The following KSR1 variants were observed in gnomAD, a reference collection of about 807,000 sequenced individuals.
The protein encoded by KSR1 is kinase suppressor of ras.
Under a neutral mutation model 92.9 loss-of-function variants are expected in KSR1, and 35 were observed. That is an observed-to-expected ratio of 0.38 (90% CI 0.29 to 0.50). The LOEUF (loss-of-function observed/expected upper bound fraction) is 0.50, where lower values mean the gene tolerates loss of function less well. Among genes scored for constraint, KSR1 ranks in the 20% least tolerant of loss-of-function variants. KSR1 has a pLI of 0.94. For missense variants in KSR1, 972 were observed against 1,158.5 expected (o/e 0.84, Z 2.34); for synonymous variants, 467 against 472.6 (o/e 0.99, Z 0.15).
In KSR1 at chr17:27,577,704, A is replaced by C; in HGVS notation, c.520+65A>C. 7.6e-7 allele frequency: 1 copy of C among 1,308,244 alleles called. No homozygotes were observed. Among genetic ancestry groups the C allele is most frequent in the Middle Eastern group, 1.8e-4 (1 of 5,558 alleles). The allele number at this position is 1,308,244 out of a possible 1,614,324, so 81.0% of individuals were successfully genotyped here. A position where few individuals can be genotyped will look rare whatever the true frequency, so the allele number is the denominator to read the frequency against. On this transcript the variant is annotated intron_variant, in intron 3 of 20. Coordinates refer to ENST00000644974, the MANE Select transcript of KSR1 (RefSeq NM_001394583.1). The surrounding 1 kb of genome is among the most constrained non-coding windows in gnomAD (Gnocchi z 4.5). ...TGCCCTTGGGGCTGTGGCCTTCACT[A>C]TGGTGGGTGATGGAGCGGGGCAAGC...
intron 15 of KSR1, among the ~76,000 whole-genome samples, chr17:27,608,409 C>T (rs1203837363): frequency 6.6e-6 from 1 of 152,160 alleles, no homozygotes; most frequent in Non-Finnish European, 1.5e-5. Context: ...ACGCGATAAT[C>T]CATGCTGTGG....
chr17:27,480,720 A>G lies in KSR1; in HGVS notation c.231+23846A>G, dbSNP rs562126425. ...TGTTTTATCCTCAACTCCTAAACAG[A>G]GTAGATGCTTAAATAATATTCAAAT... On this transcript the variant is annotated intron_variant, in intron 1 of 20. Coordinates refer to ENST00000644974, the MANE Select transcript of KSR1 (RefSeq NM_001394583.1). Among the ~76,000 whole-genome samples the G allele has an allele frequency of 1.3e-4, 20 of 152,334 alleles. No individual in the cohort carries two copies. In the South Asian group the frequency reaches 1.7e-3, roughly 13 times the overall value.
At chr17:27,604,135 T>C (rs1002015918) in intron 12 of KSR1, among the ~76,000 whole-genome samples, 1 of 152,156 alleles carries the variant, frequency 6.6e-6, no homozygotes, top group Non-Finnish European at 1.5e-5. Context: ...GCGGGTTGGA[T>C]AGAGGGCATT....
intron 17 of KSR1, 82 bp from the exon 18 acceptor site, chr17:27,611,408 TCTGG>T: frequency 4.5e-6 from 7 of 1,569,846 alleles, no homozygotes; most frequent in Non-Finnish European, 6.1e-6. Flanking sequence ...GTCCTGATCC[TCTGG>T]CTGGGCTATG....
At chr17:27,615,302 T>C (rs1299005684) in intron 18 of KSR1, among the ~76,000 whole-genome samples, 1 of 152,234 alleles carries the variant, frequency 6.6e-6, no homozygotes, top group Admixed American at 6.5e-5. Context: ...TGATGAACAG[T>C]GTATACACTA....
intron 1 of KSR1, among the ~76,000 whole-genome samples, chr17:27,527,497 G>GGTTAAAA (rs3070070): frequency 1.9e-5 from 1 of 53,110 alleles, no homozygotes; most frequent in East Asian, 4.3e-4. Context: ...CCGCCTCCTG[G>GGTTAAAA]CGATTCTCCT....
chr17:27,530,748 C>G (rs552045275), intron 1 of KSR1, among the ~76,000 whole-genome samples: 1 of 152,330 alleles, frequency 6.6e-6, no homozygotes, highest in African/African-American at 2.4e-5. Context: ...CCTTCCCACT[C>G]AGATCAGCCC....
intron 9 of KSR1, among the ~76,000 whole-genome samples, chr17:27,593,851 C>T (rs1198570878): frequency 6.6e-6 from 1 of 152,194 alleles, no homozygotes; most frequent in Non-Finnish European, 1.5e-5. Flanking sequence ...CCAGTAGGCT[C>T]GATGTCTTGG....
At chr17:27,604,844 C>G in intron 13 of KSR1, 116 bp downstream of exon 13, 2 of 996,498 alleles carry the variant, frequency 2.0e-6, no homozygotes, top group South Asian at 1.3e-5. Context: ...AAGGGCTGTC[C>G]CAGGCACCCA....
At chr17:27,579,910 A>AAAAAT (rs1245755609) in intron 3 of KSR1, 2 of 149,908 alleles carry the variant, frequency 1.3e-5, no homozygotes, top group Non-Finnish European at 3.0e-5. Flanking sequence ...AAAAAAAAAA[A>AAAAAT]AGTGAGTGAA....
chr17:27,623,548 G>A lies in KSR1; in HGVS notation c.*156G>A, dbSNP rs1358385740. 4 of 665,306 alleles carry A rather than the reference G, an allele frequency of 6.0e-6. No individual in the cohort carries two copies. Among genetic ancestry groups the A allele is most frequent in the East Asian group, 2.7e-5 (1 of 37,036 alleles). 41.2% of individuals were successfully genotyped at this position (665,306 alleles called of 1,614,324 possible). On this transcript the variant is annotated 3_prime_UTR_variant, in exon 21 of 21. Coordinates refer to ENST00000644974, the MANE Select transcript of KSR1 (RefSeq NM_001394583.1). Reference sequence around the variant, plus strand: ...AGACTGTTGGCCATAAACCCCACTCGGGAGATGGAGCTGCACCTGCTATTT... The same window carrying A: ...AGACTGTTGGCCATAAACCCCACTCAGGAGATGGAGCTGCACCTGCTATTT...
Position 27,583,005 on chromosome 17 carries a change from C to T in KSR1, c.880C>T (p.Arg294Cys), listed in dbSNP as rs369461397. 6.1e-5 allele frequency: 98 copies of T among 1,610,450 alleles called. No homozygotes were observed. Among genetic ancestry groups the T allele is most frequent in the Non-Finnish European group, 7.5e-5 (88 of 1,178,712 alleles). ...KPPRTPPPPS[R>C]KVFQLLPSFP... The stretch of plus-strand genomic sequence containing the variant: ...ACCACGGACGCCCCCCCCACCCAGC[C>T]GCAAGGTCTTCCAGCTGCTGCCCAG... The change falls in exon 4 of 21, where the codon CGC (arginine) becomes TGC (cysteine). Residue 294 changes from arginine (R) to cysteine (C), a missense_variant. Around this residue, in one of 5 missense-constraint regions of KSR1, gnomAD observed 611 missense variants for 668.0 expected, o/e 0.91. Transcript: ENST00000644974.
At chr17:27,531,550 G>A (rs983127174) in intron 1 of KSR1, among the ~76,000 whole-genome samples, 1 of 124,220 alleles carries the variant, frequency 8.1e-6, no homozygotes, top group Non-Finnish European at 1.7e-5. Flanking sequence ...TTCTGTGGGC[G>A]AGTGCTTGGG....
chr17:27,597,777 G>A (rs1310872341), intron 10 of KSR1, among the ~76,000 whole-genome samples: 2 of 152,144 alleles, frequency 1.3e-5, no homozygotes, highest in African/African-American at 2.4e-5. Context: ...TCACTTTCTC[G>A]GGACTGGCTT....
At chr17:27,588,454 A>G in intron 5 of KSR1, 21 bp from the exon 6 acceptor site, 1 of 1,562,464 alleles carries the variant, frequency 6.4e-7, no homozygotes, top group African/African-American at 1.4e-5. Flanking sequence ...CAGCCTGCCC[A>G]TCCGGCCTCT....
intron 1 of KSR1, among the ~76,000 whole-genome samples, chr17:27,510,569 C>T (rs2069563076): frequency 6.6e-6 from 1 of 152,152 alleles, no homozygotes; most frequent in Non-Finnish European, 1.5e-5. Flanking sequence ...GCTGAGTGGC[C>T]TTAGCTTAAG....
chr17:27,514,639 G>A (rs1386061564), intron 1 of KSR1, among the ~76,000 whole-genome samples: 4 of 146,590 alleles, frequency 2.7e-5, no homozygotes, highest in Admixed American at 7.0e-5. Flanking sequence ...CAACCTGGGC[G>A]ACAGGAGCAA....
intron 18 of KSR1, among the ~76,000 whole-genome samples, chr17:27,615,967 G>A (rs1194281239): frequency 2.6e-5 from 4 of 152,182 alleles, no homozygotes; most frequent in African/African-American, 9.7e-5. Flanking sequence ...GAGAAGTCTG[G>A]TGTTGGTCTG....
At chr17:27,484,589 A>T (rs997650316) in intron 1 of KSR1, among the ~76,000 whole-genome samples, 2 of 149,998 alleles carry the variant, frequency 1.3e-5, no homozygotes, top group African/African-American at 4.9e-5. Flanking sequence ...GACACATGTC[A>T]TGGGTACAGA....
Sources: allele counts gnomAD v4.1 joint callset (sites outside exome capture counted in the v4.1 genomes callset), GRCh38; gene constraint gnomAD v4.1.1; regional missense constraint gnomAD v4.1.1; non-coding constraint Gnocchi (gnomAD v3.1); transcripts MANE v1.5; gene names NCBI Gene and HGNC (gene_info 2026-07-23, HGNC 2026-07-21).